PCDHGA1: variants seen among roughly 807,000 people sequenced by gnomAD.
PCDHGA1 encodes protocadherin gamma subfamily A, 1.
In PCDHGA1, 32 loss-of-function variants were observed where a neutral mutation model predicts 58.0. The ratio of observed to expected loss-of-function variants is 0.55; its 90% CI spans 0.42 to 0.74. PCDHGA1 has a LOEUF of 0.74. Among genes scored for constraint, PCDHGA1 ranks in the 30% least tolerant of loss-of-function variants. PCDHGA1 has a pLI of 0.00. For synonymous variants in PCDHGA1, 498 were observed against 501.1 expected, an observed-to-expected ratio of 0.99 and a Z score of 0.08; for missense variants, 1,205 against 1,182.3, an observed-to-expected ratio of 1.02 and a Z score of -0.28.
At chr5:141,468,924 C>G (rs1434433938) in intron 1 of PCDHGA1, among the ~76,000 whole-genome samples, 1 of 150,520 alleles carries the variant, frequency 6.6e-6, no homozygotes, top group Non-Finnish European at 1.5e-5. Context: ...GAGAATAGCA[C>G]TAAAATGGGA....
At chr5:141,363,977 G>A (rs1763129841) in intron 1 of PCDHGA1, among the ~76,000 whole-genome samples, 1 of 152,178 alleles carries the variant, frequency 6.6e-6, no homozygotes, top group African/African-American at 2.4e-5. Flanking sequence ...TTGCTATTCA[G>A]AATTAAAGCT....
At chr5:141,371,960 C>T (rs771450244) in intron 1 of PCDHGA1, 16 of 1,613,142 alleles carry the variant, frequency 9.9e-6, no homozygotes, top group Admixed American at 1.7e-5. Flanking sequence ...CCTTCGACCA[C>T]GAGCAGCTGC....
intron 1 of PCDHGA1, chr5:141,366,919 ATTCTGTTT>A: frequency 1.8e-6 from 2 of 1,085,760 alleles, no homozygotes; most frequent in Non-Finnish European, 2.5e-6. Flanking sequence ...TTGTTTTCAA[ATTCTGTTT>A]TGGGAAGTCT....
chr5:141,383,635 C>G (rs1226106296), intron 1 of PCDHGA1: 6 of 1,613,966 alleles, frequency 3.7e-6, no homozygotes, highest in Non-Finnish European at 5.1e-6. Context: ...CTCTCTGCCT[C>G]AGTACCAAGT....
At position 141,491,894 on chromosome 5, in the gene PCDHGA1, C is replaced by T. The variant is rs1209251388; in HGVS notation, c.2422-2913C>T. The T allele has an allele frequency of 1.5e-5, 22 of 1,434,752 alleles. No individual in the cohort carries two copies. Among genetic ancestry groups the T allele is most frequent in the Admixed American group, 2.9e-5 (1 of 34,278 alleles). 88.9% of individuals were successfully genotyped at this position (1,434,752 alleles called of 1,614,324 possible). The stretch of plus-strand genomic sequence containing the variant: ...GCCGATTAAGGGATGGGGCTCCGAG[C>T]ACCGGGGGTGGTGGCGACTGTGGGC... On this transcript the variant is annotated intron_variant, in intron 1 of 3. Transcript: ENST00000517417. The surrounding 1 kb of genome is among the most constrained non-coding windows in gnomAD (Gnocchi z 6.9).
At chr5:141,488,385 G>A (rs917106670) in intron 1 of PCDHGA1, among the ~76,000 whole-genome samples, 11 of 152,164 alleles carry the variant, frequency 7.2e-5, no homozygotes, top group Non-Finnish European at 1.5e-5. Context: ...TCCTGAATTT[G>A]GTGAAACCAT....
Position 141,431,228 on chromosome 5 carries a change from GC to G in PCDHGA1, c.2422-63577del. The G allele has an allele frequency of 6.2e-7, 1 of 1,614,118 alleles. No homozygotes were observed. Among genetic ancestry groups the G allele is most frequent in the Non-Finnish European group, 8.5e-7 (1 of 1,180,030 alleles). On this transcript the variant is annotated intron_variant, in intron 1 of 3. Transcript: ENST00000517417. This position sits in a 1 kb window ranked among gnomAD's most constrained non-coding sequence, Gnocchi z 4.8. ...TGAGATGCGGTTCCCTCTACCCCAC[GC>G]CTGGGATCCGGATATCGGGAAGAAC...
At chr5:141,385,408 A>G in intron 1 of PCDHGA1, 1 of 1,478,414 alleles carries the variant, frequency 6.8e-7, no homozygotes, top group Middle Eastern at 1.8e-4. Flanking sequence ...TGTTTTGAAA[A>G]TAGGGATTTA....
intron 1 of PCDHGA1, chr5:141,350,236 A>G (rs1298740277): frequency 4.7e-6 from 7 of 1,503,566 alleles, no homozygotes; most frequent in Middle Eastern, 1.8e-4. Flanking sequence ...CCCAGAGGAA[A>G]GAAGCTCCGC....
chr5:141,352,670 G>T, intron 1 of PCDHGA1: 2 of 1,579,078 alleles, frequency 1.3e-6, no homozygotes, highest in Non-Finnish European at 1.7e-6. Context: ...GTCTTCGCAC[G>T]TGAGTTTCTG....
chr5:141,432,615 T>G lies in PCDHGA1; in HGVS notation c.2422-62192T>G. ...GCCAGCGAGCCGGGACTCTTCTCGG[T>G]GGGTCTGCACACGGGCGAGGTGCGC... On this transcript the variant is annotated intron_variant, in intron 1 of 3. Coordinates refer to ENST00000517417, the MANE Select transcript of PCDHGA1 (RefSeq NM_018912.3). The surrounding 1 kb of genome is among the most constrained non-coding windows in gnomAD (Gnocchi z 6.0). The G allele has an allele frequency of 2.5e-6, 4 of 1,613,820 alleles. No homozygotes were observed. The highest frequency in any genetic ancestry group is 1.1e-5 in the South Asian group (1 of 91,054).
intron 1 of PCDHGA1, chr5:141,352,339 C>T: frequency 1.9e-6 from 3 of 1,614,082 alleles, no homozygotes; most frequent in Non-Finnish European, 2.5e-6. Flanking sequence ...TGGCCTTGGC[C>T]TTGATCTCAG....
intron 1 of PCDHGA1, chr5:141,427,539 A>G: frequency 1.6e-6 from 1 of 632,868 alleles, no homozygotes; most frequent in Non-Finnish European, 2.9e-6. Context: ...GTACAACGTC[A>G]CCATCACTGC....
At chr5:141,407,875 A>G (rs957717882) in intron 1 of PCDHGA1, 8 of 361,396 alleles carry the variant, frequency 2.2e-5, no homozygotes, top group African/African-American at 8.4e-5. Context: ...AAGAATATAT[A>G]CATTTCGGAG....
At chr5:141,404,978 G>T (rs373968137) in intron 1 of PCDHGA1, 2 of 1,613,976 alleles carry the variant, frequency 1.2e-6, no homozygotes, top group Non-Finnish European at 8.5e-7. Flanking sequence ...GGCTGACCTG[G>T]GCAGTCTTCA....
chr5:141,486,361 C>T lies in PCDHGA1; in HGVS notation c.2422-8446C>T. 1.2e-6 allele frequency: 2 copies of T among 1,614,086 alleles called. No individual in the cohort carries two copies. The highest frequency in any genetic ancestry group is 1.7e-6 in the Non-Finnish European group (2 of 1,179,994). On this transcript the variant is annotated intron_variant, in intron 1 of 3. Coordinates refer to ENST00000517417, the MANE Select transcript of PCDHGA1 (RefSeq NM_018912.3). This position sits in a 1 kb window ranked among gnomAD's most constrained non-coding sequence, Gnocchi z 5.0. ...GCATTCCTGACCACTTGCCATTTGCCCTCAAGTCTGCCTTCAGGAACCAGT... is the reference window on the plus strand; with the variant it reads ...GCATTCCTGACCACTTGCCATTTGCTCTCAAGTCTGCCTTCAGGAACCAGT...
At chr5:141,381,866 G>A (rs1166624603) in intron 1 of PCDHGA1, among the ~76,000 whole-genome samples, 3 of 53,342 alleles carry the variant, frequency 5.6e-5, no homozygotes, top group Non-Finnish European at 6.8e-5. Flanking sequence ...TTTTGCTCTT[G>A]TTGTCCAGGC....
At chr5:141,452,017 C>T (rs181614467) in intron 1 of PCDHGA1, among the ~76,000 whole-genome samples, 10 of 152,344 alleles carry the variant, frequency 6.6e-5, no homozygotes, top group Non-Finnish European at 1.2e-4. Flanking sequence ...CCAGCCCACA[C>T]TCTGGGGAGA....
At chr5:141,452,201 T>G (rs552947721) in intron 1 of PCDHGA1, among the ~76,000 whole-genome samples, 131 of 152,376 alleles carry the variant, frequency 8.6e-4, no homozygotes, top group Middle Eastern at 6.8e-3. Context: ...TTGTTTTAGA[T>G]GTTACCAATA....
Sources: allele counts gnomAD v4.1 joint callset (sites outside exome capture counted in the v4.1 genomes callset), GRCh38; gene constraint gnomAD v4.1.1; non-coding constraint Gnocchi (gnomAD v3.1); transcripts MANE v1.5; gene names NCBI Gene and HGNC (gene_info 2026-07-23, HGNC 2026-07-21).